The following SYT1 variants were observed in gnomAD, a reference collection of about 807,000 sequenced individuals.
SYT1 encodes the protein synaptotagmin-1.
A neutral mutation model predicts 44.8 loss-of-function variants in SYT1; 8 were observed. The ratio of observed to expected loss-of-function variants is 0.18; its 90% CI spans 0.10 to 0.32. The LOEUF (loss-of-function observed/expected upper bound fraction) is 0.32. Ranked by LOEUF, SYT1 falls within the 10% of genes least tolerant of loss-of-function variation. The pLI, the probability that SYT1 is intolerant of heterozygous loss-of-function variation, is 1.00. For missense variants in SYT1, 286 were observed against 509.3 expected (o/e 0.56, Z 4.22); for synonymous variants, 154 against 188.8 (o/e 0.82, Z 1.51).
At chr12:79,154,321 A>G (rs1870458615) in intron 3 of SYT1, among the ~76,000 whole-genome samples, 1 of 152,106 alleles carries the variant, frequency 6.6e-6, no homozygotes, top group Non-Finnish European at 1.5e-5. Flanking sequence ...TGTATTGAGT[A>G]CTTACCCCAT....
chr12:79,003,592 C>T (rs763433954), intron 2 of SYT1, among the ~76,000 whole-genome samples: 1 of 151,946 alleles, frequency 6.6e-6, no homozygotes, highest in Non-Finnish European at 1.5e-5. Context: ...ACCTAGTATG[C>T]ATCATTGATT....
intron 3 of SYT1, among the ~76,000 whole-genome samples, chr12:79,179,648 G>T (rs144859636): frequency 6.6e-6 from 1 of 151,230 alleles, no homozygotes; most frequent in African/African-American, 2.4e-5. Flanking sequence ...TCAAACTCCC[G>T]ACCTCAGGTG....
intron 3 of SYT1, among the ~76,000 whole-genome samples, chr12:79,125,805 A>G (rs962633676): frequency 1.1e-4 from 17 of 152,086 alleles, no homozygotes; most frequent in African/African-American, 4.1e-4. Flanking sequence ...GTAGCCCCCA[A>G]GTTTCTTCAT....
intron 9 of SYT1, among the ~76,000 whole-genome samples, chr12:79,396,707 GGAT>G (rs1377203494): frequency 6.6e-6 from 1 of 152,150 alleles, no homozygotes; most frequent in Non-Finnish European, 1.5e-5. Flanking sequence ...CTTGATTGAA[GGAT>G]GATATTTTTC....
intron 3 of SYT1, among the ~76,000 whole-genome samples, chr12:79,146,139 A>G (rs1869897475): frequency 1.3e-5 from 2 of 152,182 alleles, no homozygotes; most frequent in South Asian, 2.1e-4. Context: ...ACCACTTCAG[A>G]CTTCAAGGAG....
chr12:79,245,897 A>C (rs1734187666), intron 4 of SYT1, among the ~76,000 whole-genome samples: 1 of 152,180 alleles, frequency 6.6e-6, no homozygotes, highest in Non-Finnish European at 1.5e-5. Flanking sequence ...TTTTTCAGGA[A>C]AGGGAACCAC....
At chr12:79,054,627 A>T (rs1044025219) in intron 3 of SYT1, among the ~76,000 whole-genome samples, 4 of 151,872 alleles carry the variant, frequency 2.6e-5, no homozygotes, top group African/African-American at 9.7e-5. Context: ...TTCATTCTTT[A>T]TTCAACAGCT....
intron 1 of SYT1, among the ~76,000 whole-genome samples, chr12:78,949,148 T>C (rs1436643570): frequency 2.0e-5 from 3 of 151,628 alleles, no homozygotes; most frequent in Non-Finnish European, 4.4e-5. Flanking sequence ...AGAAATGGTA[T>C]ACCTCTGAGC....
At chr12:79,031,677 G>C (rs1252200435) in intron 2 of SYT1, among the ~76,000 whole-genome samples, 2 of 151,084 alleles carry the variant, frequency 1.3e-5, no homozygotes, top group Non-Finnish European at 3.0e-5. Context: ...AAAAGCAAAG[G>C]CATGCATAGT....
chr12:79,218,174 C>T (rs1874930099), intron 4 of SYT1, among the ~76,000 whole-genome samples: 1 of 151,692 alleles, frequency 6.6e-6, no homozygotes, highest in Non-Finnish European at 1.5e-5. Context: ...AAAAACTGCA[C>T]CTAAGTTTAT....
intron 9 of SYT1, among the ~76,000 whole-genome samples, chr12:79,443,778 A>G (rs1870561325): frequency 6.6e-6 from 1 of 152,178 alleles, no homozygotes; most frequent in Admixed American, 6.5e-5. Flanking sequence ...GTATATATAT[A>G]CCATAGACAT....
At chr12:79,039,239 G>A (rs948294790) in intron 2 of SYT1, among the ~76,000 whole-genome samples, 46 of 152,026 alleles carry the variant, frequency 3.0e-4, no homozygotes, top group African/African-American at 1.1e-3. Flanking sequence ...ACACTAAAAA[G>A]TCATCAGCTT....
intron 4 of SYT1, among the ~76,000 whole-genome samples, chr12:79,277,116 T>C (rs981564410): frequency 7.9e-5 from 12 of 151,934 alleles, no homozygotes; most frequent in Non-Finnish European, 7.4e-5. Flanking sequence ...ATATTAGACA[T>C]CTAGACACAA....
At chr12:79,100,950 A>G (rs1323820573) in intron 3 of SYT1, among the ~76,000 whole-genome samples, 1 of 152,130 alleles carries the variant, frequency 6.6e-6, no homozygotes, top group African/African-American at 2.4e-5. Context: ...GCTTTAAAAT[A>G]AGTATGTTAT....
rs1228657901 is a variant in SYT1, at chr12:79,450,399, T to A, written c.*1275T>A. On this transcript the variant is annotated 3_prime_UTR_variant, in exon 11 of 11. Coordinates refer to ENST00000261205, the MANE Select transcript of SYT1 (RefSeq NM_005639.3). ...TTTTTACTTAAGTTTTAATTTGTCC[T>A]TTAAAAAAAGGTGAAACAAACCAAG... 1 of 152,548 alleles carries A rather than the reference T, an allele frequency of 6.6e-6. No homozygotes were observed. Among genetic ancestry groups the A allele is most frequent in the Admixed American group, 6.5e-5 (1 of 15,274 alleles). 9.4% of individuals were successfully genotyped at this position (152,548 alleles called of 1,614,324 possible). A position where few individuals can be genotyped will look rare whatever the true frequency, so the allele number is the denominator to read the frequency against.
intron 4 of SYT1, among the ~76,000 whole-genome samples, chr12:79,221,380 T>A (rs1418244220): frequency 1.3e-5 from 2 of 152,182 alleles, no homozygotes; most frequent in African/African-American, 4.8e-5. Context: ...TGCCTTTTGA[T>A]TGGAGAATTT....
At chr12:79,080,709 C>G (rs538561206) in intron 3 of SYT1, among the ~76,000 whole-genome samples, 1 of 152,134 alleles carries the variant, frequency 6.6e-6, no homozygotes, top group Non-Finnish European at 1.5e-5. Flanking sequence ...TTTTTAGACT[C>G]TATTATCTTA....
At chr12:79,008,576 G>T (rs1459921375) in intron 2 of SYT1, among the ~76,000 whole-genome samples, 2 of 152,114 alleles carry the variant, frequency 1.3e-5, no homozygotes, top group African/African-American at 2.4e-5. Context: ...TATAATAGTG[G>T]CTGTGAGAAC....
At chr12:79,283,210 A>G (rs1473287249) in intron 4 of SYT1, among the ~76,000 whole-genome samples, 1 of 152,196 alleles carries the variant, frequency 6.6e-6, no homozygotes, top group Non-Finnish European at 1.5e-5. Flanking sequence ...CATTGTGAAG[A>G]AAATTCTGTT....
Sources: gnomAD v4.1 joint callset for allele counts (sites outside exome capture counted in the v4.1 genomes callset) on GRCh38, gnomAD v4.1.1 for gene constraint, MANE v1.5 for transcripts, NCBI Gene and HGNC (gene_info 2026-07-23, HGNC 2026-07-21) for gene names.